CAMK2N2: variants seen among roughly 807,000 people sequenced by gnomAD.
The protein encoded by CAMK2N2 is calcium/calmodulin-dependent protein kinase II inhibitor 2.
Under a neutral mutation model 7.8 loss-of-function variants are expected in CAMK2N2, and 3 were observed. That is an observed-to-expected ratio of 0.38 (90% CI 0.18 to 0.99). The LOEUF is 0.99. Among genes scored for constraint, CAMK2N2 ranks in the 50% least tolerant of loss-of-function variants. The probability of loss-of-function intolerance (pLI) is 0.37; values close to 1 mark genes in which losing one functional copy is unlikely to be tolerated. For missense variants in CAMK2N2, 85 were observed against 108.4 expected (o/e 0.78, Z 0.96); for synonymous variants, 45 against 46.6 (o/e 0.97, Z 0.14).
chr3:184,261,450 C>T lies in CAMK2N2; in HGVS notation c.-165G>A, dbSNP rs1720046788. The stretch of plus-strand genomic sequence containing the variant: ...AGCGGGGCCTCCTCCCCCGCGCCTC[C>T]GCCTCCCGGGCCGCTGGGCAGGCGG... On this transcript the variant is annotated 5_prime_UTR_variant, in exon 1 of 2. Transcript: ENST00000296238. The surrounding 1 kb of genome is among the most constrained non-coding windows in gnomAD (Gnocchi z 5.1). The T allele has an allele frequency of 7.4e-6, 3 of 406,296 alleles. No homozygotes were observed. Among genetic ancestry groups the T allele is most frequent in the Non-Finnish European group, 7.5e-6 (2 of 267,486 alleles). The allele number at this position is 406,296 out of a possible 1,614,324, so 25.2% of individuals were successfully genotyped here.
Position 184,259,565 on chromosome 3 carries a change from A to C in CAMK2N2, c.*592T>G, listed in dbSNP as rs1055339515. 3.9e-5 allele frequency: 6 copies of C among 152,736 alleles called. No individual in the cohort carries two copies. Among genetic ancestry groups the C allele is most frequent in the Admixed American group, 3.3e-4 (5 of 15,274 alleles). The allele number at this position is 152,736 out of a possible 1,614,324, so 9.5% of individuals were successfully genotyped here. ...GCGCAGAAGAGCGTGGCCGAGACTG[A>C]GGGGAGGGCAGGAACCATGAGCAGA... On this transcript the variant is annotated 3_prime_UTR_variant, in exon 2 of 2. Transcript: ENST00000296238.
Position 184,260,068 on chromosome 3 carries a change from G to A in CAMK2N2, c.*89C>T. ...CCCCGCCCGCGGGCGCCTGGGCCGG[G>A]GCGGGGGGGCGCCGGCAGCCGCATC... is the stretch of plus-strand genomic sequence containing the variant. On this transcript the variant is annotated 3_prime_UTR_variant, in exon 2 of 2. Transcript: ENST00000296238. This position sits in a 1 kb window ranked among gnomAD's most constrained non-coding sequence, Gnocchi z 6.6. The A allele has an allele frequency of 1.3e-5, 9 of 719,626 alleles. No individual in the cohort carries two copies. The highest frequency in any genetic ancestry group is 1.5e-5 in the Non-Finnish European group (9 of 589,476). 44.6% of individuals were successfully genotyped at this position (719,626 alleles called of 1,614,324 possible).
Position 184,261,407 on chromosome 3 carries a change from T to A in CAMK2N2, c.-122A>T, listed in dbSNP as rs1293059661. 1 of 824,910 alleles carries A rather than the reference T, an allele frequency of 1.2e-6. No individual in the cohort carries two copies. Among genetic ancestry groups the A allele is most frequent in the African/African-American group, 1.9e-5 (1 of 53,726 alleles). The allele number at this position is 824,910 out of a possible 1,614,324, so 51.1% of individuals were successfully genotyped here. A position where few individuals can be genotyped will look rare whatever the true frequency, so the allele number is the denominator to read the frequency against. On this transcript the variant is annotated 5_prime_UTR_variant, in exon 1 of 2. The change abolishes an upstream ATG in the 5' untranslated region. Transcript: ENST00000296238. The surrounding 1 kb of genome is among the most constrained non-coding windows in gnomAD (Gnocchi z 5.1). ...GGCGGAAGGATGAAGTCATGCAGCA[T>A]CCGGGGCTGAGGAGCCAAGCGGGGC... is the stretch of plus-strand genomic sequence containing the variant.
In CAMK2N2 at chr3:184,259,967, C is replaced by T. The variant is rs755834685; in HGVS notation, c.*190G>A. On this transcript the variant is annotated 3_prime_UTR_variant, in exon 2 of 2. Transcript: ENST00000296238. Reference sequence around the variant, plus strand: ...CGGGTTCCGGGCGGGTCCGCGCCGCCGCTACCGCGGCCGCCGTGGTGCTGA... The same window carrying T: ...CGGGTTCCGGGCGGGTCCGCGCCGCTGCTACCGCGGCCGCCGTGGTGCTGA... 1.9e-5 allele frequency: 3 copies of T among 158,772 alleles called. No individual in the cohort carries two copies. The highest frequency in any genetic ancestry group is 2.0e-4 in the East Asian group (1 of 5,118). 9.8% of individuals were successfully genotyped at this position (158,772 alleles called of 1,614,324 possible).
Position 184,260,305 on chromosome 3 carries a change from C to T in CAMK2N2, c.170-78G>A, listed in dbSNP as rs546698926. On this transcript the variant is annotated intron_variant, in intron 1 of 1. Coordinates refer to ENST00000296238, the MANE Select transcript of CAMK2N2 (RefSeq NM_033259.3). The surrounding 1 kb of genome is among the most constrained non-coding windows in gnomAD (Gnocchi z 6.6). ...GAGAATGAGCCCCGCGTCCTAGCTT[C>T]CCGCGCAGCTACTGCCCGTGGCCCA... is the stretch of plus-strand genomic sequence containing the variant. 6.9e-5 allele frequency: 97 copies of T among 1,404,732 alleles called. No individual in the cohort carries two copies. In the South Asian group the frequency reaches 1.1e-3, roughly 16 times the overall value. 87.0% of individuals were successfully genotyped at this position (1,404,732 alleles called of 1,614,324 possible). A position where few individuals can be genotyped will look rare whatever the true frequency, so the allele number is the denominator to read the frequency against.
rs938476878 is a variant in CAMK2N2, at chr3:184,260,790, A to G, written c.169+327T>C. Among the ~76,000 whole-genome samples the G allele has an allele frequency of 6.6e-6, 1 of 152,138 alleles. No homozygotes were observed. The highest frequency in any genetic ancestry group is 1.5e-5 in the Non-Finnish European group (1 of 68,026). On this transcript the variant is annotated intron_variant, in intron 1 of 1. Coordinates refer to ENST00000296238, the MANE Select transcript of CAMK2N2 (RefSeq NM_033259.3). This position sits in a 1 kb window ranked among gnomAD's most constrained non-coding sequence, Gnocchi z 6.6. ...TCTTCGTATTGTCCACCGACTCAGT[A>G]TTTGATCCCAAAGAATCAGCCCGTT...
At position 184,260,154 on chromosome 3, in the gene CAMK2N2, C is replaced by A. The variant is rs775795897; in HGVS notation, c.*3G>T. The A allele has an allele frequency of 6.3e-7, 1 of 1,588,142 alleles. No individual in the cohort carries two copies. The highest frequency in any genetic ancestry group is 1.7e-5 in the Admixed American group (1 of 58,646). On this transcript the variant is annotated 3_prime_UTR_variant, in exon 2 of 2. Coordinates refer to ENST00000296238, the MANE Select transcript of CAMK2N2 (RefSeq NM_033259.3). This position sits in a 1 kb window ranked among gnomAD's most constrained non-coding sequence, Gnocchi z 6.6. ...CCGGAGCCCGCCGCCCGAGCCGGCG[C>A]GTCTACACTCCGGACGGCGGCTTCT...
chr3:184,261,131 C>T lies in CAMK2N2; in HGVS notation c.155G>A (p.Gly52Asp). The change falls in exon 1 of 2, where the codon GGC becomes GAC. Residue 52 changes from glycine (G) to aspartate (D), a missense_variant. Coordinates refer to ENST00000296238, the MANE Select transcript of CAMK2N2 (RefSeq NM_033259.3). This position sits in a 1 kb window ranked among gnomAD's most constrained non-coding sequence, Gnocchi z 5.1. The stretch of plus-strand genomic sequence containing the variant: ...GGGCCGCGTACCTCGCTTGGCTCGG[C>T]CGATCTGGCCCAGCTTGGGGGGTCG... ...AKRPPKLGQI[G>D]RAKRVVIEDD... The T allele has an allele frequency of 6.2e-7, 1 of 1,603,380 alleles. No homozygotes were observed. The highest frequency in any genetic ancestry group is 2.3e-5 in the East Asian group (1 of 43,658).
chr3:184,261,457 C>A lies in CAMK2N2; in HGVS notation c.-172G>T. ...CCTCCTCCCCCGCGCCTCCGCCTCC[C>A]GGGCCGCTGGGCAGGCGGCGGCGGC... On this transcript the variant is annotated 5_prime_UTR_variant, in exon 1 of 2. Coordinates refer to ENST00000296238, the MANE Select transcript of CAMK2N2 (RefSeq NM_033259.3). This position sits in a 1 kb window ranked among gnomAD's most constrained non-coding sequence, Gnocchi z 5.1. The A allele has an allele frequency of 3.3e-6, 1 of 303,252 alleles. No homozygotes were observed. The highest frequency in any genetic ancestry group is 5.1e-6 in the Non-Finnish European group (1 of 196,560). The allele number at this position is 303,252 out of a possible 1,614,324, so 18.8% of individuals were successfully genotyped here. A position where few individuals can be genotyped will look rare whatever the true frequency, so the allele number is the denominator to read the frequency against.
At position 184,261,042 on chromosome 3, in the gene CAMK2N2, C is replaced by CGGGGAACGGCAGCCGGGG. The variant is rs1319699531; in HGVS notation, c.169+57_169+74dup. The CGGGGAACGGCAGCCGGGG allele has an allele frequency of 6.7e-5, 97 of 1,447,780 alleles. No homozygotes were observed. The highest frequency in any genetic ancestry group is 8.5e-5 in the Non-Finnish European group (94 of 1,100,780). The allele number at this position is 1,447,780 out of a possible 1,614,324, so 89.7% of individuals were successfully genotyped here. A position where few individuals can be genotyped will look rare whatever the true frequency, so the allele number is the denominator to read the frequency against. On this transcript the variant is annotated intron_variant, in intron 1 of 1. Transcript: ENST00000296238. The surrounding 1 kb of genome is among the most constrained non-coding windows in gnomAD (Gnocchi z 5.1). Reference sequence around the variant, plus strand: ...TGCGGCAAGAGCTGCGGGCACTCGGCGGGGAACGGCAGCCGGGGGGCGCCC... The same window carrying CGGGGAACGGCAGCCGGGG: ...TGCGGCAAGAGCTGCGGGCACTCGGCGGGGAACGGCAGCCGGGGGGGGAACGGCAGCCGGGGGGCGCCC...
At position 184,261,533 on chromosome 3, in the gene CAMK2N2, C is replaced by CAA. The variant is rs1720051605; in HGVS notation, c.-249_-248insTT. The stretch of plus-strand genomic sequence containing the variant: ...CGGGGGCGGGGGGCGGGGGTGGCGG[C>CAA]GGCGGCGGCAAGAGCGGAATGACGA... On this transcript the variant is annotated 5_prime_UTR_variant, in exon 1 of 2. Coordinates refer to ENST00000296238, the MANE Select transcript of CAMK2N2 (RefSeq NM_033259.3). This position sits in a 1 kb window ranked among gnomAD's most constrained non-coding sequence, Gnocchi z 5.1. The CAA allele has an allele frequency of 6.8e-6, 1 of 147,514 alleles. No homozygotes were observed. Among genetic ancestry groups the CAA allele is most frequent in the Admixed American group, 6.8e-5 (1 of 14,792 alleles). 9.1% of individuals were successfully genotyped at this position (147,514 alleles called of 1,614,324 possible). A position where few individuals can be genotyped will look rare whatever the true frequency, so the allele number is the denominator to read the frequency against.
rs900279024 is a variant in CAMK2N2 at position 184,261,437 on chromosome 3, TC to T, written c.-153del. 6.6e-5 allele frequency: 32 copies of T among 483,624 alleles called. No homozygotes were observed. Among genetic ancestry groups the T allele is most frequent in the Middle Eastern group, 6.9e-4 (1 of 1,440 alleles). The allele number at this position is 483,624 out of a possible 1,614,324, so 30.0% of individuals were successfully genotyped here. The stretch of plus-strand genomic sequence containing the variant: ...GGCTGAGGAGCCAAGCGGGGCCTCC[TC>T]CCCCGCGCCTCCGCCTCCCGGGCCG... On this transcript the variant is annotated 5_prime_UTR_variant, in exon 1 of 2. Transcript: ENST00000296238. This position sits in a 1 kb window ranked among gnomAD's most constrained non-coding sequence, Gnocchi z 5.1.
Position 184,259,941 on chromosome 3 carries a change from GCGGGTTCCGGGCGGGTCCGCGCCGC to G in CAMK2N2, c.*191_*215del, listed in dbSNP as rs972555425. The G allele has an allele frequency of 9.9e-5, 15 of 152,066 alleles. No individual in the cohort carries two copies. The highest frequency in any genetic ancestry group is 3.3e-4 in the Admixed American group (5 of 15,226). The allele number at this position is 152,066 out of a possible 1,614,324, so 9.4% of individuals were successfully genotyped here. A position where few individuals can be genotyped will look rare whatever the true frequency, so the allele number is the denominator to read the frequency against. Reference sequence around the variant, plus strand: ...GGTTTTAAAGTGCATGAGCGCGGCGGCGGGTTCCGGGCGGGTCCGCGCCGCCGCTACCGCGGCCGCCGTGGTGCTG... The same window carrying G: ...GGTTTTAAAGTGCATGAGCGCGGCGGCGCTACCGCGGCCGCCGTGGTGCTG... On this transcript the variant is annotated 3_prime_UTR_variant, in exon 2 of 2. Transcript: ENST00000296238.
Position 184,260,086 on chromosome 3 carries a change from G to T in CAMK2N2, c.*71C>A. ...GGGCCGGGGCGGGGGGGCGCCGGCA[G>T]CCGCATCGCCGGCCCGCGCTCCTGG... is the stretch of plus-strand genomic sequence containing the variant. On this transcript the variant is annotated 3_prime_UTR_variant, in exon 2 of 2. Transcript: ENST00000296238. The surrounding 1 kb of genome is among the most constrained non-coding windows in gnomAD (Gnocchi z 6.6). 2.2e-6 allele frequency: 2 copies of T among 893,810 alleles called. No individual in the cohort carries two copies. The highest frequency in any genetic ancestry group is 2.7e-6 in the Non-Finnish European group (2 of 741,746). The allele number at this position is 893,810 out of a possible 1,614,324, so 55.4% of individuals were successfully genotyped here. A position where few individuals can be genotyped will look rare whatever the true frequency, so the allele number is the denominator to read the frequency against.
chr3:184,261,019 C>G lies in CAMK2N2; in HGVS notation c.169+98G>C. 7.9e-7 allele frequency: 1 copy of G among 1,265,706 alleles called. No individual in the cohort carries two copies. Among genetic ancestry groups the G allele is most frequent in the Non-Finnish European group, 1.0e-6 (1 of 963,538 alleles). The allele number at this position is 1,265,706 out of a possible 1,614,324, so 78.4% of individuals were successfully genotyped here. On this transcript the variant is annotated intron_variant, in intron 1 of 1. Coordinates refer to ENST00000296238, the MANE Select transcript of CAMK2N2 (RefSeq NM_033259.3). The surrounding 1 kb of genome is among the most constrained non-coding windows in gnomAD (Gnocchi z 5.1). ...GGAGAGCGGCTGGTGCGCTGGTCTG[C>G]GGCAAGAGCTGCGGGCACTCGGCGG...
Position 184,260,232 on chromosome 3 carries a change from G to T in CAMK2N2, c.170-5C>A. On this transcript the variant is annotated splice_polypyrimidine_tract_variant and splice_region_variant and intron_variant, in intron 1 of 1. Transcript: ENST00000296238. The surrounding 1 kb of genome is among the most constrained non-coding windows in gnomAD (Gnocchi z 6.6). ...TCCGGTCATCCTCGATCACCACTGCGCAGGGAGAAAGCGCGTCAGCCGCGC... is the reference window on the plus strand; with the variant it reads ...TCCGGTCATCCTCGATCACCACTGCTCAGGGAGAAAGCGCGTCAGCCGCGC... 1 of 1,609,320 alleles carries T rather than the reference G, an allele frequency of 6.2e-7. No homozygotes were observed. The highest frequency in any genetic ancestry group is 8.5e-7 in the Non-Finnish European group (1 of 1,177,772).
At position 184,260,199 on chromosome 3, in the gene CAMK2N2, G is replaced by A; in HGVS notation, c.198C>T (p.Asp66=). 6.2e-7 allele frequency: 1 copy of A among 1,610,480 alleles called. No individual in the cohort carries two copies. Among genetic ancestry groups the A allele is most frequent in the Non-Finnish European group, 8.5e-7 (1 of 1,178,510 alleles). ...GCTTCTCCCCCATCCCCTTCAGCAC[G>A]TCGTCTATCCGGTCATCCTCGATCA... ...RVVIEDDRID[D]VLKGMGEKPP... Residue 66 remains aspartate, a synonymous_variant, in exon 2 of 2, where the codon GAC becomes GAT. Coordinates refer to ENST00000296238, the MANE Select transcript of CAMK2N2 (RefSeq NM_033259.3). This position sits in a 1 kb window ranked among gnomAD's most constrained non-coding sequence, Gnocchi z 6.6.
In CAMK2N2 at chr3:184,261,310, C is replaced by T; in HGVS notation, c.-25G>A. The stretch of plus-strand genomic sequence containing the variant: ...TGGCGGGCGCGGGGTGGGCGCGGGG[C>T]GGGAGCGGGACTGCGGCGGGGCGCG... On this transcript the variant is annotated 5_prime_UTR_variant, in exon 1 of 2. Coordinates refer to ENST00000296238, the MANE Select transcript of CAMK2N2 (RefSeq NM_033259.3). The surrounding 1 kb of genome is among the most constrained non-coding windows in gnomAD (Gnocchi z 5.1). 5 of 1,217,792 alleles carry T rather than the reference C, an allele frequency of 4.1e-6. No homozygotes were observed. Among genetic ancestry groups the T allele is most frequent in the Admixed American group, 2.9e-5 (1 of 34,910 alleles). The allele number at this position is 1,217,792 out of a possible 1,614,324, so 75.4% of individuals were successfully genotyped here.
Position 184,261,261 on chromosome 3 carries a change from C to T in CAMK2N2, c.25G>A (p.Glu9Lys). The stretch of plus-strand genomic sequence containing the variant: ...GCGCCGAAGCGGCCCATCTTGTCTT[C>T]GCTGTAGGGCAGGATCTCGGACATG... MSEILPYS[E>K]DKMGRFGADP... The change falls in exon 1 of 2, where the codon GAA becomes AAA. Residue 9 changes from glutamate (E) to lysine (K), a missense_variant. Glu to Lys is a moderately conservative substitution (Grantham distance 56, BLOSUM62 1). Coordinates refer to ENST00000296238, the MANE Select transcript of CAMK2N2 (RefSeq NM_033259.3). The surrounding 1 kb of genome is among the most constrained non-coding windows in gnomAD (Gnocchi z 5.1). The T allele has an allele frequency of 1.3e-6, 2 of 1,586,128 alleles. No individual in the cohort carries two copies. Among genetic ancestry groups the T allele is most frequent in the Non-Finnish European group, 1.7e-6 (2 of 1,169,488 alleles).
Sources: allele counts gnomAD v4.1 joint callset (sites outside exome capture counted in the v4.1 genomes callset), GRCh38; gene constraint gnomAD v4.1.1; non-coding constraint Gnocchi (gnomAD v3.1); transcripts MANE v1.5; gene names NCBI Gene and HGNC (gene_info 2026-07-23, HGNC 2026-07-21).